Variants in ELP3 observed in about 807,000 individuals in gnomAD.
ELP3 encodes elongator acetyltransferase complex subunit 3.
A neutral mutation model predicts 74.9 loss-of-function variants in ELP3; 56 were observed. That is an observed-to-expected ratio of 0.75 (90% CI 0.60 to 0.93). The LOEUF (loss-of-function observed/expected upper bound fraction) is 0.93. ELP3 is among the 40% of genes least tolerant of loss of function. The pLI is 0.00. For missense variants in ELP3, 573 were observed against 686.5 expected (o/e 0.83, Z 1.85); for synonymous variants, 222 against 239.8 (o/e 0.93, Z 0.68).
At chr8:28,144,675 T>C (rs1258622821) in intron 10 of ELP3, among the ~76,000 whole-genome samples, 1 of 152,178 alleles carries the variant, frequency 6.6e-6, no homozygotes, top group Non-Finnish European at 1.5e-5. Context: ...TATATTCAGA[T>C]AGAACTAGAA....
At chr8:28,093,347 C>A in intron 1 of ELP3, 114 bp downstream of exon 1, 1 of 1,434,612 alleles carries the variant, frequency 7.0e-7, no homozygotes, top group Non-Finnish European at 9.5e-7. Flanking sequence ...AGTCCAGTCG[C>A]CCCGCCACCT....
At chr8:28,116,549 G>T (rs148778367) in intron 7 of ELP3, among the ~76,000 whole-genome samples, 1 of 152,166 alleles carries the variant, frequency 6.6e-6, no homozygotes, top group Non-Finnish European at 1.5e-5. Flanking sequence ...AGACCAGCCT[G>T]ACCAACATGG....
chr8:28,176,622 A>AT (rs1210162615), intron 14 of ELP3, among the ~76,000 whole-genome samples: 2 of 151,982 alleles, frequency 1.3e-5, no homozygotes, highest in Non-Finnish European at 2.9e-5. Flanking sequence ...GGTTGCAATT[A>AT]TTTTTTTTCC....
chr8:28,141,880 G>C (rs996745191), intron 10 of ELP3, among the ~76,000 whole-genome samples: 5 of 152,140 alleles, frequency 3.3e-5, no homozygotes, highest in Admixed American at 2.0e-4. Context: ...GCAACAGATA[G>C]CACAAAATAG....
At chr8:28,108,042 C>A (rs944151145) in intron 5 of ELP3, 66 bp downstream of exon 5, 1 of 1,344,178 alleles carries the variant, frequency 7.4e-7, no homozygotes, top group Non-Finnish European at 1.0e-6. Flanking sequence ...TATGGTTTTA[C>A]CAGTACTGGC....
At chr8:28,188,142 C>G (rs187495145) in intron 14 of ELP3, among the ~76,000 whole-genome samples, 11 of 152,270 alleles carry the variant, frequency 7.2e-5, no homozygotes, top group Middle Eastern at 3.4e-3. Context: ...TCGCTCTCCC[C>G]GCCCAGCCTC....
chr8:28,116,310 T>C (rs1812130478), intron 7 of ELP3, among the ~76,000 whole-genome samples: 1 of 152,218 alleles, frequency 6.6e-6, no homozygotes, highest in African/African-American at 2.4e-5. Flanking sequence ...AGCCCACTTC[T>C]GTTTGATTGA....
chr8:28,109,272 T>C (rs1048930426), intron 5 of ELP3, among the ~76,000 whole-genome samples: 2 of 151,716 alleles, frequency 1.3e-5, no homozygotes, highest in African/African-American at 4.8e-5. Flanking sequence ...TTTGAAGGAG[T>C]CACCCTCCTC....
Position 28,162,033 on chromosome 8 carries a change from A to C in ELP3, c.1522A>C (p.Ile508Leu), listed in dbSNP as rs561676502. 54 of 1,614,220 alleles carry C rather than the reference A, an allele frequency of 3.3e-5. No individual in the cohort carries two copies. The South Asian group carries it at 4.4e-4, about 13-fold the overall frequency. The change falls in exon 14 of 15, where the codon ATA (isoleucine) becomes CTA (leucine). Residue 508 changes from isoleucine (I) to leucine (L), a missense_variant. Ile to Leu is a conservative substitution (Grantham distance 5, BLOSUM62 2). Transcript: ENST00000256398. ...GMLLMEEAER[I>L]AREEHGSGKI... ...GCTGCTGATGGAGGAAGCAGAAAGAATAGCTAGAGAAGAACATGGGTCTGG... is the reference window on the plus strand; with the variant it reads ...GCTGCTGATGGAGGAAGCAGAAAGACTAGCTAGAGAAGAACATGGGTCTGG...
At chr8:28,165,468 G>A (rs930205460) in intron 14 of ELP3, among the ~76,000 whole-genome samples, 3 of 152,128 alleles carry the variant, frequency 2.0e-5, no homozygotes, top group South Asian at 2.1e-4. Context: ...CTTTTCTTCC[G>A]ACCTTGTCCT....
At chr8:28,090,636 C>T (rs1232024340), upstream of ELP3, among the ~76,000 whole-genome samples, 3 of 152,078 alleles carry the variant, frequency 2.0e-5, no homozygotes, top group Non-Finnish European at 4.4e-5. Context: ...GTCTTTTCTT[C>T]TCCCCTCACG....
intron 7 of ELP3, among the ~76,000 whole-genome samples, chr8:28,117,724 A>T (rs1051665099): frequency 6.6e-6 from 1 of 151,970 alleles, no homozygotes; most frequent in African/African-American, 2.4e-5. Context: ...TTTTTATGAG[A>T]TCATCTGGAA....
At chr8:28,142,324 T>G (rs995829998) in intron 10 of ELP3, among the ~76,000 whole-genome samples, 3 of 152,204 alleles carry the variant, frequency 2.0e-5, no homozygotes, top group African/African-American at 7.2e-5. Flanking sequence ...CCCGTTACAC[T>G]TATCCTATGG....
intron 5 of ELP3, 23 bp from the exon 6 acceptor site, chr8:28,110,347 A>C (rs764569457): frequency 4.4e-6 from 7 of 1,600,566 alleles, no homozygotes; most frequent in Non-Finnish European, 6.0e-6. Flanking sequence ...CAATGTGGGC[A>C]TAACAATATT....
At chr8:28,119,572 T>TTATATATATATATA (rs72105276) in intron 7 of ELP3, among the ~76,000 whole-genome samples, 1 of 46,756 alleles carries the variant, frequency 2.1e-5, no homozygotes, top group Non-Finnish European at 5.0e-5. Flanking sequence ...TTGTGGCGTT[T>TTATATATATATATA]TATATATATA....
At chr8:28,110,575 T>A in intron 6 of ELP3, 137 bp downstream of exon 6, 1 of 703,262 alleles carries the variant, frequency 1.4e-6, no homozygotes, top group Non-Finnish European at 2.3e-6. Context: ...CAATATCCAT[T>A]TGAGGGAGGG....
chr8:28,133,396 C>T (rs1269998573), intron 9 of ELP3, among the ~76,000 whole-genome samples: 1 of 145,266 alleles, frequency 6.9e-6, no homozygotes, highest in African/African-American at 2.5e-5. Flanking sequence ...TGACCTTTTA[C>T]TTGTGCTTCC....
intron 10 of ELP3, among the ~76,000 whole-genome samples, chr8:28,155,369 C>A (rs1201286682): frequency 6.6e-6 from 1 of 152,146 alleles, no homozygotes; most frequent in Non-Finnish European, 1.5e-5. Flanking sequence ...GTATTAATGC[C>A]AGGAAATAAA....
intron 9 of ELP3, among the ~76,000 whole-genome samples, chr8:28,132,845 A>G (rs1812832270): frequency 6.6e-6 from 1 of 152,280 alleles, no homozygotes; most frequent in Middle Eastern, 3.4e-3. Context: ...AGAATTTAAG[A>G]TATACTGGTT....
Sources: gnomAD v4.1 joint callset for allele counts (sites outside exome capture counted in the v4.1 genomes callset) on GRCh38, gnomAD v4.1.1 for gene constraint, MANE v1.5 for transcripts, NCBI Gene and HGNC (gene_info 2026-07-23, HGNC 2026-07-21) for gene names.